Variants in ZNF701 observed in about 807,000 individuals in gnomAD.
ZNF701 encodes zinc finger protein 701.
In ZNF701, 6 loss-of-function variants were observed where a neutral mutation model predicts 7.1. The ratio of observed to expected loss-of-function variants is 0.84; its 90% CI spans 0.46 to 1.66. The LOEUF is 1.66. ZNF701 is among the 40% of genes most tolerant of loss of function. The pLI, the probability that ZNF701 is intolerant of heterozygous loss-of-function variation, is 0.01. For synonymous variants in ZNF701, 166 were observed against 188.2 expected, an observed-to-expected ratio of 0.88 and a Z score of 0.97; for missense variants, 541 against 559.2, an observed-to-expected ratio of 0.97 and a Z score of 0.33.
At chr19:52,571,177 G>C (rs1054214580) in intron 1 of ZNF701, among the ~76,000 whole-genome samples, 1 of 152,002 alleles carries the variant, frequency 6.6e-6, no homozygotes, top group Non-Finnish European at 1.5e-5. Context: ...TGTACAGAGA[G>C]ATGAAGGACA....
At position 52,573,909 on chromosome 19, in the gene ZNF701, C is replaced by G. The variant is rs569876646; in HGVS notation, c.-71-168C>G. ...ACTGCTGCAGCGTGTGAGGGCTTCTCCAGGAGGGAAGCGAGAGTTTTCTTA... is the reference window on the plus strand; with the variant it reads ...ACTGCTGCAGCGTGTGAGGGCTTCTGCAGGAGGGAAGCGAGAGTTTTCTTA... On this transcript the variant is annotated intron_variant, in intron 1 of 3. Transcript: ENST00000391785. Among the ~76,000 whole-genome samples the G allele has an allele frequency of 1.2e-3, 185 of 152,320 alleles. 1 individual carries two copies. The highest frequency in any genetic ancestry group is 2.5e-3 in the Admixed American group (38 of 15,296).
intron 3 of ZNF701, among the ~76,000 whole-genome samples, chr19:52,577,312 C>G (rs1444784317): frequency 6.6e-6 from 1 of 152,090 alleles, no homozygotes; most frequent in East Asian, 1.9e-4. Flanking sequence ...GTTGGCCAGC[C>G]TGGTCTCAAA....
chr19:52,571,399 CAGGG>C (rs903829720), intron 1 of ZNF701, among the ~76,000 whole-genome samples: 1 of 152,030 alleles, frequency 6.6e-6, no homozygotes, highest in African/African-American at 2.4e-5. Context: ...GAGAATTTAA[CAGGG>C]AGAGCGGCAG....
intron 1 of ZNF701, among the ~76,000 whole-genome samples, chr19:52,571,985 G>A (rs1219656588): frequency 6.6e-6 from 1 of 151,924 alleles, no homozygotes. Flanking sequence ...CACCACACCA[G>A]GCTAATTTTG....
At chr19:52,580,824 G>A (rs888857297) in intron 3 of ZNF701, among the ~76,000 whole-genome samples, 14 of 152,130 alleles carry the variant, frequency 9.2e-5, no homozygotes, top group African/African-American at 2.4e-4. Context: ...CACTCCACTC[G>A]TTACTGTCAC....
At chr19:52,587,998 A>G (rs2060021689), downstream of ZNF701, among the ~76,000 whole-genome samples, 1 of 152,206 alleles carries the variant, frequency 6.6e-6, no homozygotes, top group South Asian at 2.1e-4. Context: ...GTCTTGCTGC[A>G]TCGTGTGCGT....
chr19:52,573,935 T>C (rs78576944), intron 1 of ZNF701, 142 bp from the exon 2 acceptor site: 55,317 of 907,492 alleles, frequency 0.061, 1,919 homozygotes, highest in East Asian at 0.083. Context: ...AGTTTTCTTA[T>C]AGAAATTTAT....
At chr19:52,580,235 G>A (rs895175984) in intron 3 of ZNF701, among the ~76,000 whole-genome samples, 11 of 151,696 alleles carry the variant, frequency 7.3e-5, no homozygotes, top group Admixed American at 4.6e-4. Flanking sequence ...GAGCCACCGC[G>A]CCCAGCCTTT....
chr19:52,591,945 A>G, downstream of ZNF701: 2 of 423,210 alleles, frequency 4.7e-6, no homozygotes, highest in South Asian at 3.6e-5. Context: ...AATAAAATGC[A>G]ACTATACAGA....
intron 3 of ZNF701, among the ~76,000 whole-genome samples, chr19:52,578,951 G>T (rs1475021340): frequency 4.0e-5 from 6 of 149,942 alleles, no homozygotes; most frequent in African/African-American, 1.5e-4. Context: ...TTAGAGACAG[G>T]GTTTCACCGT....
the ZNF701 span, chr19:52,597,101 A>G: frequency 9.2e-7 from 1 of 1,081,764 alleles, no homozygotes; most frequent in South Asian, 1.2e-5. Flanking sequence ...AGTGTAATAA[A>G]TGTGGTAAAA....
In ZNF701 at chr19:52,584,132, CTA is replaced by C. The variant is rs2059994293; in HGVS notation, c.*677_*678del. The C allele has an allele frequency of 3.0e-6, 1 of 337,658 alleles. No individual in the cohort carries two copies. Among genetic ancestry groups the C allele is most frequent in the Non-Finnish European group, 6.0e-6 (1 of 166,642 alleles). The allele number at this position is 337,658 out of a possible 1,614,324, so 20.9% of individuals were successfully genotyped here. A position where few individuals can be genotyped will look rare whatever the true frequency, so the allele number is the denominator to read the frequency against. Reference sequence around the variant, plus strand: ...ACTGGACAGAAATCTTACAAACGTCCTATGTGTGGCAAGGTCTTCAGTCCGAG... The same window carrying C: ...ACTGGACAGAAATCTTACAAACGTCCTGTGTGGCAAGGTCTTCAGTCCGAG... On this transcript the variant is annotated 3_prime_UTR_variant, in exon 4 of 4. Coordinates refer to ENST00000391785, the MANE Select transcript of ZNF701 (RefSeq NM_018260.3).
In ZNF701 at chr19:52,583,868, T is replaced by A; in HGVS notation, c.*411T>A. On this transcript the variant is annotated 3_prime_UTR_variant, in exon 4 of 4. Transcript: ENST00000391785. ...ATTGGAGAATCCATAATGAAGGAGG[T>A]CTTACAAGTGTAATAAATGTGGCAA... The A allele has an allele frequency of 5.9e-5, 27 of 460,496 alleles. No homozygotes were observed. Among genetic ancestry groups the A allele is most frequent in the Middle Eastern group, 3.4e-4 (1 of 2,926 alleles). 28.5% of individuals were successfully genotyped at this position (460,496 alleles called of 1,614,324 possible). A position where few individuals can be genotyped will look rare whatever the true frequency, so the allele number is the denominator to read the frequency against.
chr19:52,590,354 G>A (rs971389863), downstream of ZNF701, among the ~76,000 whole-genome samples: 8 of 152,130 alleles, frequency 5.3e-5, no homozygotes, highest in Admixed American at 1.3e-4. Flanking sequence ...CACCCACCTC[G>A]GCTTTCAAGT....
At position 52,578,348 on chromosome 19, in the gene ZNF701, G is replaced by T. The variant is rs1275412115; in HGVS notation, c.142+2327G>T. On this transcript the variant is annotated intron_variant, in intron 3 of 3. Coordinates refer to ENST00000391785, the MANE Select transcript of ZNF701 (RefSeq NM_018260.3). ...TGCTTTGGCTACCTAAAAGGCAAGG[G>T]CCCCTTGTCCTATGATCACGTGACT... 9.2e-5 allele frequency among the ~76,000 whole-genome samples: 14 copies of T among 151,918 alleles called. No homozygotes were observed. The South Asian group carries it at 2.5e-3, about 27-fold the overall frequency.
intron 3 of ZNF701, among the ~76,000 whole-genome samples, chr19:52,578,901 G>C (rs549601388): frequency 1.3e-5 from 2 of 151,836 alleles, no homozygotes; most frequent in Non-Finnish European, 2.9e-5. Context: ...GGGACTACAG[G>C]CTCCCGCCAC....
At chr19:52,575,759 G>A in intron 2 of ZNF701, 136 bp from the exon 3 acceptor site, 2 of 619,480 alleles carry the variant, frequency 3.2e-6, no homozygotes, top group South Asian at 3.9e-5. Context: ...ACATCATGTG[G>A]TGAAGAATCC....
At chr19:52,594,908 G>C in the ZNF701 span, among the ~76,000 whole-genome samples, 1 of 152,208 alleles carries the variant, frequency 6.6e-6, no homozygotes, top group Admixed American at 6.5e-5. Flanking sequence ...CTAAGCAGCA[G>C]TCACTGCTGT....
chr19:52,588,534 T>C (rs2147003888), downstream of ZNF701: 2 of 337,134 alleles, frequency 5.9e-6, no homozygotes, highest in South Asian at 3.0e-5. Flanking sequence ...ACACACAGGA[T>C]TGATTTCCAA....
Sources: allele counts gnomAD v4.1 joint callset (sites outside exome capture counted in the v4.1 genomes callset), GRCh38; gene constraint gnomAD v4.1.1; transcripts MANE v1.5; gene names NCBI Gene and HGNC (gene_info 2026-07-23, HGNC 2026-07-21).